The following PCDH15 variants were observed in gnomAD, a reference collection of about 807,000 sequenced individuals.
The protein encoded by PCDH15 is protocadherin related 15, also known as protocadherin-15.
A neutral mutation model predicts 178.5 loss-of-function variants in PCDH15; 129 were observed. The observed-to-expected ratio is 0.72, with a 90% confidence interval of 0.63 to 0.84. The LOEUF (loss-of-function observed/expected upper bound fraction) is 0.84, where lower values mean the gene tolerates loss of function less well. PCDH15 is among the 40% of genes least tolerant of loss of function. PCDH15 has a pLI of 0.00. For missense variants in PCDH15, 2,230 were observed against 2,099.9 expected (o/e 1.06, Z -1.21); for synonymous variants, 800 against 732.0 (o/e 1.09, Z -1.50).
In PCDH15 at chr10:54,317,363, C is replaced by T. The variant is rs2061341944; in HGVS notation, c.784G>A (p.Gly262Ser). 1 of 1,613,794 alleles carries T rather than the reference C, an allele frequency of 6.2e-7. No homozygotes were observed. The highest frequency in any genetic ancestry group is 1.7e-5 in the Admixed American group (1 of 59,958). ...TVDVLDGDDL[G>S]PMFLPCVLVP... ...AGGACACAAGGAAGAAACATTGGAC[C>T]CAAGTCATCTCCATCCAGAACATCC... is the stretch of plus-strand genomic sequence containing the variant. The change falls in exon 8 of 38, where the codon GGT (glycine) becomes AGT (serine). Residue 262 changes from glycine (G) to serine (S), a missense_variant. Physicochemically the swap from Gly to Ser is moderately conservative, Grantham distance 56. Transcript: ENST00000644397.
chr10:54,538,133 T>C (rs2084784880), intron 2 of PCDH15, among the ~76,000 whole-genome samples: 1 of 152,224 alleles, frequency 6.6e-6, no homozygotes, highest in African/African-American at 2.4e-5. Context: ...GTCCCACTTG[T>C]CAATTTTTGG....
At chr10:54,972,057 G>A (rs538799221) in intron 2 of PCDH15, among the ~76,000 whole-genome samples, 11 of 152,208 alleles carry the variant, frequency 7.2e-5, no homozygotes, top group Admixed American at 1.3e-4. Flanking sequence ...TGCTTTAGCC[G>A]TAGACTGTTA....
chr10:55,416,965 A>T (rs1203861174), intron 2 of PCDH15, among the ~76,000 whole-genome samples: 1 of 151,940 alleles, frequency 6.6e-6, no homozygotes. Context: ...TCTAACAGGG[A>T]CTATAAAGAC....
chr10:54,027,565 A>T (rs11815238), intron 18 of PCDH15, among the ~76,000 whole-genome samples: 1 of 145,662 alleles, frequency 6.9e-6, no homozygotes, highest in Admixed American at 6.8e-5. Flanking sequence ...AGTAACCAAA[A>T]CAGCATGGTA....
chr10:53,822,345 G>A (rs2076332657), intron 32 of PCDH15: 1 of 1,586,814 alleles, frequency 6.3e-7, no homozygotes, highest in Admixed American at 1.8e-5. Context: ...TGGAAAAAAT[G>A]TAGGAGGAGG....
intron 2 of PCDH15, among the ~76,000 whole-genome samples, chr10:54,635,002 G>C (rs2093809749): frequency 6.6e-6 from 1 of 151,606 alleles, no homozygotes; most frequent in Admixed American, 6.6e-5. Context: ...ATAGAGCAGA[G>C]CTTTTAAGCC....
intron 15 of PCDH15, among the ~76,000 whole-genome samples, chr10:54,106,965 G>A (rs1447334425): frequency 6.6e-6 from 1 of 152,112 alleles, no homozygotes; most frequent in Non-Finnish European, 1.5e-5. Context: ...ATTGAATCTG[G>A]TGATATGAAG....
At chr10:54,460,116 A>G (rs951627733) in intron 3 of PCDH15, among the ~76,000 whole-genome samples, 1 of 152,166 alleles carries the variant, frequency 6.6e-6, no homozygotes, top group Non-Finnish European at 1.5e-5. Flanking sequence ...CAGTTGAACT[A>G]AAACAGAAGA....
intron 2 of PCDH15, among the ~76,000 whole-genome samples, chr10:55,369,277 C>A (rs547530316): frequency 5.3e-5 from 8 of 152,010 alleles, no homozygotes; most frequent in Admixed American, 6.6e-5. Flanking sequence ...GTAGTTTCTG[C>A]ACACTTTTAA....
At chr10:53,847,088 A>G (rs2078024868) in intron 28 of PCDH15, among the ~76,000 whole-genome samples, 1 of 151,978 alleles carries the variant, frequency 6.6e-6, no homozygotes, top group Admixed American at 6.6e-5. Flanking sequence ...AGTTTCAGGG[A>G]ATTTATCTGT....
At chr10:54,049,953 A>T (rs969555199) in intron 18 of PCDH15, among the ~76,000 whole-genome samples, 1 of 152,030 alleles carries the variant, frequency 6.6e-6, no homozygotes, top group Non-Finnish European at 1.5e-5. Flanking sequence ...TATGCTGTGA[A>T]ATTCAGTTAG....
intron 2 of PCDH15, among the ~76,000 whole-genome samples, chr10:55,577,738 C>T (rs777856540): frequency 1.3e-5 from 2 of 152,082 alleles, no homozygotes; most frequent in Non-Finnish European, 2.9e-5. Context: ...GTTAAATTCA[C>T]CTTGGTGATC....
At chr10:54,414,986 T>C (rs577025946) in intron 3 of PCDH15, among the ~76,000 whole-genome samples, 1 of 152,224 alleles carries the variant, frequency 6.6e-6, no homozygotes, top group Non-Finnish European at 1.5e-5. Flanking sequence ...TTGCATCAAT[T>C]GATGTGGTAA....
rs1047446142 is a variant in PCDH15, at chr10:54,582,135, G to A, written c.92-54258C>T. On this transcript the variant is annotated intron_variant, in intron 2 of 37. Transcript: ENST00000644397. ...AAAAAATTTTAAAAAGATCAACAGA[G>A]TAAATAGATAACCTGCAGAATGGGA... Among the ~76,000 whole-genome samples the A allele has an allele frequency of 3.3e-5, 5 of 152,034 alleles. No individual in the cohort carries two copies. The East Asian group carries it at 9.6e-4, about 29-fold the overall frequency.
At chr10:55,374,829 T>G (rs1845582637) in intron 2 of PCDH15, among the ~76,000 whole-genome samples, 1 of 152,060 alleles carries the variant, frequency 6.6e-6, no homozygotes, top group African/African-American at 2.4e-5. Flanking sequence ...CTCACTGGCA[T>G]TCCATAAATA....
At chr10:54,363,109 C>T (rs1946305434) in intron 5 of PCDH15, among the ~76,000 whole-genome samples, 1 of 151,956 alleles carries the variant, frequency 6.6e-6, no homozygotes, top group Admixed American at 6.6e-5. Flanking sequence ...AATGATAAAC[C>T]TACTTATAGT....
chr10:54,145,335 A>G (rs1211628139), intron 14 of PCDH15, among the ~76,000 whole-genome samples: 1 of 151,942 alleles, frequency 6.6e-6, no homozygotes, highest in African/African-American at 2.4e-5. Context: ...GTAATTCTGC[A>G]TTTCTAGCTT....
At chr10:54,202,428 C>A (rs2050327172) in intron 10 of PCDH15, among the ~76,000 whole-genome samples, 1 of 151,948 alleles carries the variant, frequency 6.6e-6, no homozygotes, top group African/African-American at 2.4e-5. Flanking sequence ...AGGTAAGGGA[C>A]AGATAAATGT....
intron 1 of PCDH15, among the ~76,000 whole-genome samples, chr10:54,759,551 G>C (rs59218710): frequency 0.049 from 7,455 of 152,148 alleles, 612 homozygotes; most frequent in African/African-American, 0.17. Flanking sequence ...AGGCATATAT[G>C]ATTCATTCAT....
Sources: gnomAD v4.1 joint callset for allele counts (sites outside exome capture counted in the v4.1 genomes callset) on GRCh38, gnomAD v4.1.1 for gene constraint, MANE v1.5 for transcripts, NCBI Gene and HGNC (gene_info 2026-07-23, HGNC 2026-07-21) for gene names.